The following PLCB1 variants were observed in gnomAD, a reference collection of about 807,000 sequenced individuals.
PLCB1 encodes phospholipase C beta 1, also known as 1-phosphatidylinositol 4,5-bisphosphate phosphodiesterase beta-1.
In PLCB1, 46 loss-of-function variants were observed where a neutral mutation model predicts 161.8. That is an observed-to-expected ratio of 0.28 (90% confidence interval 0.22 to 0.36). The LOEUF is 0.36. Among genes scored for constraint, PLCB1 ranks in the 10% least tolerant of loss-of-function variants. The probability of loss-of-function intolerance (pLI) is 1.00; values close to 1 mark genes in which losing one functional copy is unlikely to be tolerated. For missense variants in PLCB1, 1,016 were observed against 1,472.5 expected (o/e 0.69, Z 5.07); for synonymous variants, 517 against 503.7 (o/e 1.03, Z -0.35).
chr20:8,340,464 C>A (rs1489384808), intron 2 of PLCB1, among the ~76,000 whole-genome samples: 2 of 152,098 alleles, frequency 1.3e-5, no homozygotes, highest in Admixed American at 6.5e-5. Context: ...GCTCTGTCGC[C>A]CAGGCTGGAG....
chr20:8,555,649 A>G (rs1985927778), intron 3 of PLCB1, among the ~76,000 whole-genome samples: 1 of 152,166 alleles, frequency 6.6e-6, no homozygotes. Context: ...ATTAAAATCA[A>G]GTGGAAATAT....
chr20:8,303,875 A>T (rs1568624425), intron 2 of PLCB1, among the ~76,000 whole-genome samples: 1 of 152,232 alleles, frequency 6.6e-6, no homozygotes, highest in Non-Finnish European at 1.5e-5. Flanking sequence ...AGCAAACACC[A>T]GCTCCTGCAG....
At position 8,826,267 on chromosome 20, in the gene PLCB1, G is replaced by T. The variant is rs573016059; in HGVS notation, c.3423+36006G>T. Among the ~76,000 whole-genome samples the T allele has an allele frequency of 3.2e-4, 49 of 152,120 alleles. 1 individual carries two copies. Among genetic ancestry groups the T allele is most frequent in the African/African-American group, 9.9e-4 (41 of 41,492 alleles). ...TCCCAGCACTTTGGGAGGCCGAGGC[G>T]GGTGGATCACGAGGTCAGGAGATCG... is the stretch of plus-strand genomic sequence containing the variant. On this transcript the variant is annotated intron_variant, in intron 31 of 31. Transcript: ENST00000338037.
chr20:8,716,071 C>G (rs1393371549), intron 12 of PLCB1, 193 bp from the exon 13 acceptor site: 3 of 578,758 alleles, frequency 5.2e-6, no homozygotes, highest in South Asian at 2.2e-5. Flanking sequence ...CACATCAGTG[C>G]CTTCGCTGTC....
At chr20:8,722,301 T>C (rs1392283303) in intron 14 of PLCB1, 53 bp from the exon 15 acceptor site, 3 of 1,351,104 alleles carry the variant, frequency 2.2e-6, no homozygotes, top group Non-Finnish European at 3.1e-6. Context: ...ACAAATGCTG[T>C]AAAGCTAAAT....
intron 3 of PLCB1, among the ~76,000 whole-genome samples, chr20:8,520,297 A>G (rs1984299846): frequency 6.6e-6 from 1 of 152,192 alleles, no homozygotes; most frequent in Non-Finnish European, 1.5e-5. Flanking sequence ...TAGAGTCCTT[A>G]TTATTGCAAT....
intron 27 of PLCB1, among the ~76,000 whole-genome samples, chr20:8,786,691 G>GTT (rs539647446): frequency 0.013 from 1,894 of 141,414 alleles, 47 homozygotes; most frequent in African/African-American, 0.042. Flanking sequence ...AATCTTTTTT[G>GTT]TTTTTTTTTT....
intron 3 of PLCB1, among the ~76,000 whole-genome samples, chr20:8,623,049 C>T (rs1164050190): frequency 6.6e-6 from 1 of 152,132 alleles, no homozygotes; most frequent in Non-Finnish European, 1.5e-5. Context: ...GTCAGCCTGC[C>T]TGAATGCCCT....
chr20:8,619,002 C>T (rs1438121643), intron 3 of PLCB1, among the ~76,000 whole-genome samples: 1 of 152,148 alleles, frequency 6.6e-6, no homozygotes, highest in Non-Finnish European at 1.5e-5. Flanking sequence ...ATTTTTATAA[C>T]TTTCAGCAAA....
At chr20:8,555,376 A>C (rs1985917573) in intron 3 of PLCB1, among the ~76,000 whole-genome samples, 1 of 151,982 alleles carries the variant, frequency 6.6e-6, no homozygotes, top group Non-Finnish European at 1.5e-5. Flanking sequence ...CTCCACCTAC[A>C]CTCCTCTTCC....
At chr20:8,683,215 T>TAC (rs1990264798) in intron 9 of PLCB1, among the ~76,000 whole-genome samples, 1 of 151,988 alleles carries the variant, frequency 6.6e-6, no homozygotes, top group Non-Finnish European at 1.5e-5. Flanking sequence ...AAAAGAATTA[T>TAC]ACACACACAC....
chr20:8,763,731 A>G (rs1415212504), intron 25 of PLCB1, among the ~76,000 whole-genome samples: 3 of 151,982 alleles, frequency 2.0e-5, no homozygotes, highest in African/African-American at 4.8e-5. Context: ...CATGTTGGCC[A>G]GGCTAGTCTC....
At chr20:8,222,557 T>C (rs765694724) in intron 2 of PLCB1, among the ~76,000 whole-genome samples, 1 of 152,138 alleles carries the variant, frequency 6.6e-6, no homozygotes, top group Non-Finnish European at 1.5e-5. Flanking sequence ...AACATGAATT[T>C]CTTTGTATTT....
intron 31 of PLCB1, among the ~76,000 whole-genome samples, chr20:8,844,691 T>C (rs993577271): frequency 1.3e-5 from 2 of 152,216 alleles, no homozygotes; most frequent in Admixed American, 1.3e-4. Flanking sequence ...CCAGTGTCAA[T>C]AGGTATGAGT....
At chr20:8,317,454 A>T (rs556687480) in intron 2 of PLCB1, among the ~76,000 whole-genome samples, 1 of 152,194 alleles carries the variant, frequency 6.6e-6, no homozygotes, top group Non-Finnish European at 1.5e-5. Flanking sequence ...GTCTTTCATC[A>T]CTAGTGGAGT....
At chr20:8,339,812 A>C (rs1474558552) in intron 2 of PLCB1, among the ~76,000 whole-genome samples, 1 of 152,096 alleles carries the variant, frequency 6.6e-6, no homozygotes, top group Non-Finnish European at 1.5e-5. Context: ...CTATATTAAA[A>C]AGTTAATGGG....
At chr20:8,482,269 A>G (rs62197594) in intron 3 of PLCB1, among the ~76,000 whole-genome samples, 11,149 of 151,604 alleles carry the variant, frequency 0.074, 592 homozygotes, top group Non-Finnish European at 0.12. Flanking sequence ...ACGTCCAACT[A>G]ATTTTTGTAT....
At chr20:8,629,951 TTTTCTTTCTTTCTTCTTTCTTTC>T (rs1988511979) in intron 4 of PLCB1, among the ~76,000 whole-genome samples, 1 of 131,860 alleles carries the variant, frequency 7.6e-6, no homozygotes, top group Admixed American at 7.9e-5. Flanking sequence ...TCTCTCTTTC[TTTTCTTTCTTTCTTCTTTCTTTC>T]TTTCTTTCTT....
chr20:8,716,328 G>T lies in PLCB1; in HGVS notation c.1315G>T (p.Glu439Ter). Residue 439 changes from glutamate (E) to a stop codon, truncating the protein, a stop_gained, in exon 13 of 32, where the codon GAG (glutamate) becomes TAG (stop). Coordinates refer to ENST00000338037, the MANE Select transcript of PLCB1 (RefSeq NM_015192.4). LOFTEE classifies it high-confidence loss of function. ...RLIFGDALLM[E>*]PLEKYPLESG... The stretch of plus-strand genomic sequence containing the variant: ...GATCTTTGGGGATGCCCTTCTCATG[G>T]AGCCCCTGGAAAAATATCCAGTAAG... 6.2e-7 allele frequency: 1 copy of T among 1,613,634 alleles called. No homozygotes were observed. Among genetic ancestry groups the T allele is most frequent in the Non-Finnish European group, 8.5e-7 (1 of 1,179,624 alleles).
Sources: gnomAD v4.1 joint callset for allele counts (sites outside exome capture counted in the v4.1 genomes callset) on GRCh38, gnomAD v4.1.1 for gene constraint, MANE v1.5 for transcripts, NCBI Gene and HGNC (gene_info 2026-07-23, HGNC 2026-07-21) for gene names.